GRAMD2B: variants seen among roughly 807,000 people sequenced by gnomAD.
GRAMD2B encodes the protein GRAM domain containing 2B.
In GRAMD2B, 41 loss-of-function variants were observed where a neutral mutation model predicts 59.2. That is an observed-to-expected ratio of 0.69 (90% CI 0.54 to 0.90). The LOEUF is 0.90. Ranked by LOEUF, GRAMD2B falls within the 40% of genes least tolerant of loss-of-function variation. The pLI is 0.00. For synonymous variants in GRAMD2B, 161 were observed against 182.7 expected (o/e 0.88, Z 0.96); for missense variants, 424 against 500.5 (o/e 0.85, Z 1.46).
intron 12 of GRAMD2B, among the ~76,000 whole-genome samples, chr5:126,487,290 C>A (rs780308141): frequency 5.3e-5 from 8 of 152,042 alleles, no homozygotes; most frequent in Admixed American, 3.3e-4. Context: ...ACAAGTTTAC[C>A]TTAGTAAAAT....
chr5:126,468,342 T>A (rs975186591), intron 2 of GRAMD2B, among the ~76,000 whole-genome samples: 5 of 152,206 alleles, frequency 3.3e-5, no homozygotes, highest in Admixed American at 2.0e-4. Context: ...TCATTTTTTT[T>A]ATTCTGATTT....
At chr5:126,442,446 C>T (rs1422129499) in intron 1 of GRAMD2B, among the ~76,000 whole-genome samples, 1 of 151,916 alleles carries the variant, frequency 6.6e-6, no homozygotes, top group Non-Finnish European at 1.5e-5. Flanking sequence ...CGCCCACCAC[C>T]ACACCCAGCT....
At chr5:126,397,796 T>G (rs1471169065) in intron 1 of GRAMD2B, among the ~76,000 whole-genome samples, 1 of 152,188 alleles carries the variant, frequency 6.6e-6, no homozygotes, top group Non-Finnish European at 1.5e-5. Context: ...TTTTTGTATC[T>G]GTGTTCATCA....
At chr5:126,391,495 T>C (rs577078179) in intron 1 of GRAMD2B, among the ~76,000 whole-genome samples, 1 of 151,872 alleles carries the variant, frequency 6.6e-6, no homozygotes, top group Non-Finnish European at 1.5e-5. Flanking sequence ...TACATGGATA[T>C]CCACAGCAGT....
intron 1 of GRAMD2B, among the ~76,000 whole-genome samples, chr5:126,377,472 A>G (rs1387709752): frequency 6.6e-6 from 1 of 152,144 alleles, no homozygotes; most frequent in Admixed American, 6.5e-5. Flanking sequence ...AAATTTGCAG[A>G]TAGTATTTTA....
intron 9 of GRAMD2B, among the ~76,000 whole-genome samples, chr5:126,483,919 C>T (rs547718168): frequency 6.6e-6 from 1 of 152,228 alleles, no homozygotes; most frequent in Non-Finnish European, 1.5e-5. Flanking sequence ...ACCTCCACCC[C>T]CCGGGTTCAA....
Position 126,473,272 on chromosome 5 carries a change from C to T in GRAMD2B, c.390C>T (p.Thr130=). 1 of 1,358,816 alleles carries T rather than the reference C, an allele frequency of 7.4e-7. No homozygotes were observed. The highest frequency in any genetic ancestry group is 1.5e-5 in the South Asian group (1 of 67,660). The allele number at this position is 1,358,816 out of a possible 1,614,324, so 84.2% of individuals were successfully genotyped here. ...CTGTGTATATTTTCCCAGGCTTTAC[C>T]TGTGCTCTACAGAAAGAAATACTAT... ...PTEEPLKQSF[T]CALQKEILYQ... is the part of the protein sequence containing the mutation. Residue 130 remains threonine, a synonymous_variant, in exon 5 of 14, where the codon ACC becomes ACT. Coordinates refer to ENST00000285689, the MANE Select transcript of GRAMD2B (RefSeq NM_023927.4).
At chr5:126,396,963 A>G (rs1399115607) in intron 1 of GRAMD2B, among the ~76,000 whole-genome samples, 1 of 152,040 alleles carries the variant, frequency 6.6e-6, no homozygotes, top group Non-Finnish European at 1.5e-5. Flanking sequence ...TCTTGGCCAC[A>G]AGTTTGTCTT....
chr5:126,409,839 T>G (rs1195073250), intron 1 of GRAMD2B, among the ~76,000 whole-genome samples: 11 of 152,180 alleles, frequency 7.2e-5, no homozygotes, highest in Admixed American at 4.6e-4. Flanking sequence ...GTTTAAGTCT[T>G]TAATCCATCT....
chr5:126,484,064 G>A (rs567449254), intron 9 of GRAMD2B, among the ~76,000 whole-genome samples: 19 of 152,110 alleles, frequency 1.2e-4, no homozygotes, highest in Non-Finnish European at 2.2e-4. Flanking sequence ...TCCTGACCTC[G>A]TGATCCACCC....
chr5:126,469,669 T>C lies in GRAMD2B; in HGVS notation c.204-8T>C. 1 of 1,595,586 alleles carries C rather than the reference T, an allele frequency of 6.3e-7. No individual in the cohort carries two copies. The highest frequency in any genetic ancestry group is 8.6e-7 in the Non-Finnish European group (1 of 1,164,922). On this transcript the variant is annotated splice_polypyrimidine_tract_variant and splice_region_variant and intron_variant, in intron 2 of 13. Transcript: ENST00000285689. Reference sequence around the variant, plus strand: ...ATCTTATAGACACCCTGGACTTTCTTTCTTTAGGTCAAAATCCAGTTTTGA... The same window carrying C: ...ATCTTATAGACACCCTGGACTTTCTCTCTTTAGGTCAAAATCCAGTTTTGA...
At chr5:126,484,314 A>C in intron 9 of GRAMD2B, 88 bp from the exon 10 acceptor site, 1 of 1,431,618 alleles carries the variant, frequency 7.0e-7, no homozygotes, top group Non-Finnish European at 9.5e-7. Flanking sequence ...ACCATTATGC[A>C]TGTTAAGGGA....
intron 13 of GRAMD2B, among the ~76,000 whole-genome samples, chr5:126,491,794 C>T (rs576489292): frequency 1.2e-4 from 19 of 152,042 alleles, no homozygotes; most frequent in South Asian, 1.2e-3. Flanking sequence ...AGTGCAGTGC[C>T]GCAATCTTGG....
chr5:126,456,215 C>CT (rs1334686165), intron 1 of GRAMD2B, among the ~76,000 whole-genome samples: 3 of 152,010 alleles, frequency 2.0e-5, no homozygotes, highest in Non-Finnish European at 2.9e-5. Flanking sequence ...GTAGCTACCA[C>CT]TTTTTTTGTT....
At chr5:126,382,650 T>C (rs1220922765) in intron 1 of GRAMD2B, among the ~76,000 whole-genome samples, 1 of 152,230 alleles carries the variant, frequency 6.6e-6, no homozygotes, top group African/African-American at 2.4e-5. Context: ...TGGAGGCTCC[T>C]TGATTTGCTT....
At chr5:126,407,339 A>G (rs1299675913) in intron 1 of GRAMD2B, among the ~76,000 whole-genome samples, 1 of 152,032 alleles carries the variant, frequency 6.6e-6, no homozygotes, top group Non-Finnish European at 1.5e-5. Context: ...ATGCCAGAAC[A>G]GCAGGACTAA....
rs183523526 is a variant in GRAMD2B at position 126,411,272 on chromosome 5, T to A, written c.125+39705T>A. On this transcript the variant is annotated intron_variant, in intron 1 of 8. Coordinates refer to the GRAMD2B transcript ENST00000506445. ...AAATCTTTTATCCATCTTGAGTTAA[T>A]TTGTGTATATGGTGAAAGGCAGGGG... Among the ~76,000 whole-genome samples, 491 of 152,246 alleles carry A rather than the reference T, an allele frequency of 3.2e-3. 1 individual carries two copies. Among genetic ancestry groups the A allele is most frequent in the Non-Finnish European group, 4.9e-3 (335 of 68,002 alleles).
intron 8 of GRAMD2B, among the ~76,000 whole-genome samples, chr5:126,481,896 A>G (rs1158466568): frequency 6.8e-6 from 1 of 147,900 alleles, no homozygotes; most frequent in Admixed American, 6.8e-5. Context: ...TGAACCTGGG[A>G]GGTGGAGGTT....
chr5:126,450,710 C>G (rs1233980381), intron 1 of GRAMD2B, among the ~76,000 whole-genome samples: 4 of 150,158 alleles, frequency 2.7e-5, no homozygotes, highest in Non-Finnish European at 4.4e-5. Context: ...CAGTCTGGCT[C>G]TAGCGTCAGC....
Sources: allele counts gnomAD v4.1 joint callset (sites outside exome capture counted in the v4.1 genomes callset), GRCh38; gene constraint gnomAD v4.1.1; transcripts MANE v1.5; gene names NCBI Gene and HGNC (gene_info 2026-07-23, HGNC 2026-07-21).